Variants in CNMD observed in about 807,000 individuals in gnomAD.
CNMD encodes the protein chondromodulin.
Under a neutral mutation model 37.5 loss-of-function variants are expected in CNMD, and 30 were observed. The observed-to-expected ratio is 0.80, with a 90% CI of 0.60 to 1.09. The LOEUF (loss-of-function observed/expected upper bound fraction) is 1.09, where lower values mean the gene tolerates loss of function less well. Among genes scored for constraint, CNMD ranks in the 50% least tolerant of loss-of-function variants. The probability of loss-of-function intolerance (pLI) is 0.00; values close to 1 mark genes in which losing one functional copy is unlikely to be tolerated. For missense variants in CNMD, 398 were observed against 423.9 expected, an observed-to-expected ratio of 0.94 and a Z score of 0.54; for synonymous variants, 167 against 148.2, an observed-to-expected ratio of 1.13 and a Z score of -0.92.
chr13:52,714,741 C>G (rs560987109), intron 4 of CNMD, among the ~76,000 whole-genome samples: 1 of 152,104 alleles, frequency 6.6e-6, no homozygotes. Flanking sequence ...GCATGTACAA[C>G]AGGATAATTT....
At chr13:52,724,146 T>C (rs201152301) in intron 3 of CNMD, 36 bp from the exon 4 acceptor site, 300 of 1,472,204 alleles carry the variant, frequency 2.0e-4, no homozygotes, top group Admixed American at 2.3e-4. Flanking sequence ...ATCTATCCAT[T>C]TGTTCATTTA....
intron 2 of CNMD, among the ~76,000 whole-genome samples, chr13:52,737,807 G>A (rs1964797361): frequency 6.6e-6 from 1 of 152,152 alleles, no homozygotes; most frequent in Non-Finnish European, 1.5e-5. Flanking sequence ...TCAAACATGA[G>A]CATCTGGCCC....
chr13:52,733,592 C>T (rs1964710857), intron 2 of CNMD: 1 of 588,684 alleles, frequency 1.7e-6, no homozygotes, highest in Non-Finnish European at 3.1e-6. Flanking sequence ...ACACCTATTC[C>T]AATAGCTCCA....
At chr13:52,723,634 G>C (rs965930759) in intron 4 of CNMD, among the ~76,000 whole-genome samples, 5 of 152,134 alleles carry the variant, frequency 3.3e-5, no homozygotes, top group Admixed American at 1.3e-4. Flanking sequence ...GAAACCAAAA[G>C]TGTTGTGCCT....
intron 4 of CNMD, among the ~76,000 whole-genome samples, chr13:52,716,488 C>G (rs1222590702): frequency 3.9e-5 from 6 of 152,166 alleles, no homozygotes; most frequent in Non-Finnish European, 7.3e-5. Flanking sequence ...TTAGGTCTTA[C>G]ATTTAAGCCT....
intron 4 of CNMD, among the ~76,000 whole-genome samples, chr13:52,714,224 G>A (rs1480861491): frequency 2.6e-5 from 4 of 152,182 alleles, no homozygotes; most frequent in Non-Finnish European, 4.4e-5. Flanking sequence ...CATGATTGGA[G>A]CTGAAAGGCA....
intron 6 of CNMD, among the ~76,000 whole-genome samples, chr13:52,706,173 C>G (rs913718416): frequency 6.6e-6 from 1 of 152,078 alleles, no homozygotes; most frequent in Non-Finnish European, 1.5e-5. Flanking sequence ...AGATAAACAA[C>G]CAGGAGATAG....
In CNMD at chr13:52,710,888, T is replaced by C. The variant is rs1004604261; in HGVS notation, c.622+1828A>G. ...CTTGGATATGTAGGGAAGAAGCTCTTTCCCCAAGTGAGAAATTACTCATCC... is the reference window on the plus strand; with the variant it reads ...CTTGGATATGTAGGGAAGAAGCTCTCTCCCCAAGTGAGAAATTACTCATCC... On this transcript the variant is annotated intron_variant, in intron 5 of 6. Transcript: ENST00000377962. 3.3e-4 allele frequency among the ~76,000 whole-genome samples: 50 copies of C among 152,124 alleles called. 1 individual carries two copies.
At chr13:52,714,037 C>T (rs1049311196) in intron 4 of CNMD, among the ~76,000 whole-genome samples, 3 of 152,132 alleles carry the variant, frequency 2.0e-5, no homozygotes, top group Non-Finnish European at 2.9e-5. Flanking sequence ...CCAGGGTGCC[C>T]GGGTGACCCA....
intron 6 of CNMD, among the ~76,000 whole-genome samples, chr13:52,706,656 A>G (rs1964179338): frequency 1.3e-5 from 2 of 152,156 alleles, no homozygotes; most frequent in East Asian, 1.9e-4. Flanking sequence ...ATGAGGTACT[A>G]TGTAGGAAAA....
rs1032299771 is a variant in CNMD at position 52,719,195 on chromosome 13, C to T, written c.468+4802G>A. 5.1e-4 allele frequency among the ~76,000 whole-genome samples: 78 copies of T among 152,222 alleles called. 1 individual carries two copies. The highest frequency in any genetic ancestry group is 9.6e-4 in the Non-Finnish European group (65 of 68,048). On this transcript the variant is annotated intron_variant, in intron 4 of 6. Transcript: ENST00000377962. ...ATTTGCTTGGTAAATATTCCTCCATCCCTTTATTTTGAACCTATGTGTGTC... is the reference window on the plus strand; with the variant it reads ...ATTTGCTTGGTAAATATTCCTCCATTCCTTTATTTTGAACCTATGTGTGTC...
intron 4 of CNMD, among the ~76,000 whole-genome samples, chr13:52,716,193 G>A (rs1233151340): frequency 6.6e-6 from 1 of 151,902 alleles, no homozygotes; most frequent in Admixed American, 6.6e-5. Flanking sequence ...TTTTTGATGG[G>A]GTTGTTTCTT....
At chr13:52,708,305 C>T (rs558452547) in intron 6 of CNMD, among the ~76,000 whole-genome samples, 28 of 151,992 alleles carry the variant, frequency 1.8e-4, no homozygotes, top group Non-Finnish European at 3.4e-4. Flanking sequence ...CCTCAGCCTC[C>T]GGAGTAGCTG....
At position 52,710,959 on chromosome 13, in the gene CNMD, A is replaced by C. The variant is rs542820107; in HGVS notation, c.622+1757T>G. Among the ~76,000 whole-genome samples the C allele has an allele frequency of 6.2e-4, 94 of 152,276 alleles. 1 individual carries two copies. Among genetic ancestry groups the C allele is most frequent in the East Asian group, 3.9e-4 (2 of 5,182 alleles). ...CCAATAATGCTGTGTTCCGATCTCT[A>C]GTGCCCACCCCATGGCCCTGCACTG... is the stretch of plus-strand genomic sequence containing the variant. On this transcript the variant is annotated intron_variant, in intron 5 of 6. Coordinates refer to ENST00000377962, the MANE Select transcript of CNMD (RefSeq NM_007015.3).
Position 52,739,287 on chromosome 13 carries a change from A to G in CNMD, c.73-116T>C, listed in dbSNP as rs1222918106. 2.4e-6 allele frequency: 3 copies of G among 1,245,676 alleles called. No homozygotes were observed. Among genetic ancestry groups the G allele is most frequent in the South Asian group, 3.3e-5 (2 of 60,114 alleles). The allele number at this position is 1,245,676 out of a possible 1,614,324, so 77.2% of individuals were successfully genotyped here. On this transcript the variant is annotated intron_variant, in intron 1 of 6. Coordinates refer to ENST00000377962, the MANE Select transcript of CNMD (RefSeq NM_007015.3). This position sits in a 1 kb window ranked among gnomAD's most constrained non-coding sequence, Gnocchi z 5.4. Reference sequence around the variant, plus strand: ...GGGAGTGGGGAGTCGGGCGGGAAACAGCTCGCCCGGGCTCCTACGGGTGCC... The same window carrying G: ...GGGAGTGGGGAGTCGGGCGGGAAACGGCTCGCCCGGGCTCCTACGGGTGCC...
chr13:52,712,720 T>G lies in CNMD; in HGVS notation c.618A>C (p.Pro206=), dbSNP rs555196133. ...TAAGATAATTTAAAATGTTACCTTT[T>G]GGATAGGTTGGTTTAAGCCAGAAAA... is the stretch of plus-strand genomic sequence containing the variant. ...LPIFWLKPTY[P]KEIQRERREV... The change falls in exon 5 of 7, where the codon CCA becomes CCC. Residue 206 remains proline, a synonymous_variant. Coordinates refer to ENST00000377962, the MANE Select transcript of CNMD (RefSeq NM_007015.3). 1.3e-6 allele frequency: 2 copies of G among 1,509,242 alleles called. No homozygotes were observed. Among genetic ancestry groups the G allele is most frequent in the Non-Finnish European group, 1.8e-6 (2 of 1,129,362 alleles). 93.5% of individuals were successfully genotyped at this position (1,509,242 alleles called of 1,614,324 possible).
chr13:52,716,277 T>G lies in CNMD; in HGVS notation c.469-3408A>C, dbSNP rs561170712. The stretch of plus-strand genomic sequence containing the variant: ...TGTCAGATGGATAGATTGCAAAAAT[T>G]TGTTCTCCCATTCTGTAGATTGCCT... On this transcript the variant is annotated intron_variant, in intron 4 of 6. Coordinates refer to ENST00000377962, the MANE Select transcript of CNMD (RefSeq NM_007015.3). Among the ~76,000 whole-genome samples, 3 of 152,282 alleles carry G rather than the reference T, an allele frequency of 2.0e-5. No individual in the cohort carries two copies. The South Asian group carries it at 6.2e-4, about 32-fold the overall frequency.
intron 3 of CNMD, among the ~76,000 whole-genome samples, chr13:52,724,417 C>CAAAAAAAAAAAAAA (rs71094319): frequency 1.2e-5 from 1 of 85,808 alleles, no homozygotes; most frequent in African/African-American, 4.9e-5. Flanking sequence ...ACTAAAAATA[C>CAAAAAAAAAAAAAA]AAAAAAAAAA....
At position 52,739,423 on chromosome 13, in the gene CNMD, A is replaced by T; in HGVS notation, c.72+207T>A. 1 of 667,012 alleles carries T rather than the reference A, an allele frequency of 1.5e-6. No homozygotes were observed. Among genetic ancestry groups the T allele is most frequent in the Non-Finnish European group, 2.6e-6 (1 of 390,442 alleles). The allele number at this position is 667,012 out of a possible 1,614,324, so 41.3% of individuals were successfully genotyped here. On this transcript the variant is annotated intron_variant, in intron 1 of 6. Transcript: ENST00000377962. The surrounding 1 kb of genome is among the most constrained non-coding windows in gnomAD (Gnocchi z 5.4). Reference sequence around the variant, plus strand: ...CCAGGACCTGCACCCTCTACCGGCCACGGGACGTCCCTCCGCACCCGCCTG... The same window carrying T: ...CCAGGACCTGCACCCTCTACCGGCCTCGGGACGTCCCTCCGCACCCGCCTG...
Sources: gnomAD v4.1 joint callset for allele counts (sites outside exome capture counted in the v4.1 genomes callset) on GRCh38, gnomAD v4.1.1 for gene constraint, Gnocchi (gnomAD v3.1) non-coding constraint, MANE v1.5 for transcripts, NCBI Gene and HGNC (gene_info 2026-07-23, HGNC 2026-07-21) for gene names.